SLIT3: variants seen among roughly 807,000 people sequenced by gnomAD.
SLIT3 encodes slit homolog 3 protein.
In SLIT3, 68 loss-of-function variants were observed where a neutral mutation model predicts 184.0. The observed-to-expected ratio is 0.37, with a 90% CI of 0.30 to 0.45. The LOEUF is 0.45. Among genes scored for constraint, SLIT3 ranks in the 20% least tolerant of loss-of-function variants. The pLI is 1.00. For synonymous variants in SLIT3, 831 were observed against 828.6 expected (o/e 1.00, Z -0.05); for missense variants, 1,707 against 2,026.0 (o/e 0.84, Z 3.02).
chr5:169,154,876 G>C (rs1458620539), intron 4 of SLIT3, among the ~76,000 whole-genome samples: 3 of 152,248 alleles, frequency 2.0e-5, no homozygotes, highest in Non-Finnish European at 4.4e-5. Context: ...CTTCTTGAAT[G>C]TTATAAGCTC....
chr5:168,957,229 C>CAAAAAAA (rs369179350), intron 4 of SLIT3, among the ~76,000 whole-genome samples: 2 of 121,466 alleles, frequency 1.6e-5, no homozygotes, highest in African/African-American at 3.0e-5. Flanking sequence ...AAGTCTGTCT[C>CAAAAAAA]AAAAAAAAAA....
intron 4 of SLIT3, among the ~76,000 whole-genome samples, chr5:169,142,025 G>A (rs1333054604): frequency 6.6e-6 from 1 of 150,840 alleles, no homozygotes. Context: ...ACTCCAGCCT[G>A]GGCGGCAGAG....
intron 8 of SLIT3, among the ~76,000 whole-genome samples, chr5:168,807,150 C>T (rs143141584): frequency 3.9e-4 from 60 of 152,028 alleles, no homozygotes; most frequent in African/African-American, 1.3e-3. Context: ...AAAGCTATCT[C>T]GCCTGAAAAA....
chr5:169,111,713 T>C (rs973273483), intron 4 of SLIT3, among the ~76,000 whole-genome samples: 3 of 152,176 alleles, frequency 2.0e-5, no homozygotes, highest in East Asian at 1.9e-4. Flanking sequence ...GACTGCACCA[T>C]TGCATTTCAG....
intron 5 of SLIT3, among the ~76,000 whole-genome samples, chr5:168,862,732 T>A (rs774400072): frequency 5.9e-5 from 9 of 152,024 alleles, no homozygotes; most frequent in Non-Finnish European, 1.0e-4. Flanking sequence ...TGGAGTGCAA[T>A]GGCACAATCT....
rs1762058674 is a variant in SLIT3 at position 168,696,195 on chromosome 5, C to T, written c.3082+97G>A. The T allele has an allele frequency of 2.7e-6, 4 of 1,462,464 alleles. No individual in the cohort carries two copies. The East Asian group carries it at 6.8e-5, about 25-fold the overall frequency. 90.6% of individuals were successfully genotyped at this position (1,462,464 alleles called of 1,614,324 possible). ...GTCTTGGGGTCTTAGTCTCTGTCCT[C>T]AGGGAGAGAGGAAGAGAGTCCCTGG... is the stretch of plus-strand genomic sequence containing the variant. On this transcript the variant is annotated intron_variant, in intron 28 of 35. Transcript: ENST00000519560.
At chr5:168,700,767 C>A in intron 26 of SLIT3, 88 bp from the exon 27 acceptor site, 1 of 947,048 alleles carries the variant, frequency 1.1e-6, no homozygotes, top group Non-Finnish European at 1.7e-6. Flanking sequence ...CCAGCATTCT[C>A]TGTGATGAGG....
chr5:168,883,373 C>T, intron 4 of SLIT3, 37 bp from the exon 5 acceptor site: 1 of 1,496,450 alleles, frequency 6.7e-7, no homozygotes. Context: ...GCATTAAAGA[C>T]CCAGGCTGTC....
intron 4 of SLIT3, among the ~76,000 whole-genome samples, chr5:169,011,209 G>A (rs1397625762): frequency 1.3e-5 from 2 of 152,128 alleles, no homozygotes; most frequent in African/African-American, 4.8e-5. Context: ...TGACATCACC[G>A]AGTTCTGTTC....
At chr5:169,129,831 T>TTTTG (rs1391929059) in intron 4 of SLIT3, among the ~76,000 whole-genome samples, 1 of 127,094 alleles carries the variant, frequency 7.9e-6, no homozygotes. Flanking sequence ...GTTTTTTTTG[T>TTTTG]TTGTTTGTTT....
rs755214454 is a variant in SLIT3 at position 168,685,812 on chromosome 5, G to A, written c.3430C>T (p.Arg1144Cys). ...CIVVQQEPTC[R>C]CPPGFAGPRC... ...GGGCCGGCGAAGCCTGGTGGGCAGC[G>A]GCAGGTGGGCTCCTGCTGCACCACG... The change falls in exon 31 of 36, where the codon CGC (arginine) becomes TGC (cysteine). Residue 1144 changes from arginine (R) to cysteine (C), a missense_variant. Around this residue, in one of 3 missense-constraint regions of SLIT3, gnomAD observed 13 missense variants for 36.4 expected, o/e 0.36. Transcript: ENST00000519560. 9 of 1,613,938 alleles carry A rather than the reference G, an allele frequency of 5.6e-6. No homozygotes were observed. The highest frequency in any genetic ancestry group is 2.2e-5 in the East Asian group (1 of 44,880).
intron 5 of SLIT3, among the ~76,000 whole-genome samples, chr5:168,859,722 C>T (rs939247569): frequency 2.0e-5 from 3 of 152,126 alleles, no homozygotes; most frequent in African/African-American, 7.2e-5. Context: ...GATCTGACGG[C>T]ATTTGCTATT....
At chr5:169,048,663 ACCCAAGTCC>A (rs1007457435) in intron 4 of SLIT3, among the ~76,000 whole-genome samples, 7 of 152,154 alleles carry the variant, frequency 4.6e-5, no homozygotes, top group Admixed American at 1.3e-4. Context: ...GCAACATCAT[ACCCAAGTCC>A]CAGTACAGTA....
chr5:168,916,014 G>C (rs1042051270), intron 4 of SLIT3, among the ~76,000 whole-genome samples: 1 of 152,188 alleles, frequency 6.6e-6, no homozygotes, highest in Admixed American at 6.5e-5. Context: ...TGTGCACAAC[G>C]TGCAGGTTTG....
chr5:169,254,646 G>T (rs1333212455), intron 1 of SLIT3, among the ~76,000 whole-genome samples: 1 of 152,188 alleles, frequency 6.6e-6, no homozygotes, highest in Non-Finnish European at 1.5e-5. Flanking sequence ...GGAGGGGCTT[G>T]CTCTCTCGCT....
intron 4 of SLIT3, among the ~76,000 whole-genome samples, chr5:168,976,419 T>G (rs1047512845): frequency 3.3e-5 from 5 of 152,218 alleles, no homozygotes; most frequent in African/African-American, 9.6e-5. Context: ...GCCTAGTTGT[T>G]GCTAGAGAGC....
chr5:168,909,622 A>T (rs1353220515), intron 4 of SLIT3, among the ~76,000 whole-genome samples: 1 of 152,198 alleles, frequency 6.6e-6, no homozygotes, highest in Admixed American at 6.5e-5. Context: ...ACTTGAAGAC[A>T]TTTGAGTGGT....
chr5:169,137,260 C>T (rs973208450), intron 4 of SLIT3, among the ~76,000 whole-genome samples: 2 of 151,636 alleles, frequency 1.3e-5, no homozygotes, highest in Non-Finnish European at 2.9e-5. Flanking sequence ...TCATTCTCCC[C>T]TTCTCTCTCT....
rs370432809 is a variant in SLIT3 at position 168,853,616 on chromosome 5, T to G, written c.486-8961A>C. Among the ~76,000 whole-genome samples, 3 of 152,312 alleles carry G rather than the reference T, an allele frequency of 2.0e-5. No homozygotes were observed. The East Asian group carries it at 5.8e-4, about 29-fold the overall frequency. On this transcript the variant is annotated intron_variant, in intron 5 of 35. Coordinates refer to ENST00000519560, the MANE Select transcript of SLIT3 (RefSeq NM_003062.4). ...AACTGAGCACCTTTTAAGTGTCTTA[T>G]GCCAGTCTGATCTCACAATAATTCC...
Sources: gnomAD v4.1 joint callset for allele counts (sites outside exome capture counted in the v4.1 genomes callset) on GRCh38, gnomAD v4.1.1 for gene constraint, gnomAD v4.1.1 regional missense constraint, MANE v1.5 for transcripts, NCBI Gene and HGNC (gene_info 2026-07-23, HGNC 2026-07-21) for gene names.